Variants in ATG7 observed in about 807,000 individuals in gnomAD.
ATG7 encodes autophagy related 7.
In ATG7, 70 loss-of-function variants were observed where a neutral mutation model predicts 82.4. That is an observed-to-expected ratio of 0.85 (90% CI 0.70 to 1.04). The LOEUF is 1.04. Ranked by LOEUF, ATG7 falls within the 50% of genes least tolerant of loss-of-function variation. The pLI, the probability that ATG7 is intolerant of heterozygous loss-of-function variation, is 0.00. For synonymous variants in ATG7, 287 were observed against 313.0 expected (o/e 0.92, Z 0.88); for missense variants, 792 against 864.3 (o/e 0.92, Z 1.05).
chr3:11,490,579 C>A (rs201548214), intron 20 of ATG7, among the ~76,000 whole-genome samples: 866 of 141,750 alleles, frequency 6.1e-3, no homozygotes, highest in African/African-American at 0.019. Flanking sequence ...ATGGTCTTTA[C>A]AATTTGGCAT....
intron 20 of ATG7, among the ~76,000 whole-genome samples, chr3:11,521,795 G>A (rs1221553787): frequency 6.6e-6 from 1 of 151,792 alleles, no homozygotes; most frequent in East Asian, 1.9e-4. Context: ...CTTGTGATCC[G>A]CCTGCCTCAG....
Position 11,481,500 on chromosome 3 carries a change from G to A in ATG7, c.2079+54574G>A, listed in dbSNP as rs538725073. 2.6e-5 allele frequency among the ~76,000 whole-genome samples: 4 copies of A among 152,262 alleles called. No individual in the cohort carries two copies. The South Asian group carries it at 8.3e-4, about 32-fold the overall frequency. On this transcript the variant is annotated intron_variant, in intron 20 of 20. Coordinates refer to ENST00000693202, the MANE Select transcript of ATG7 (RefSeq NM_001349232.2). The stretch of plus-strand genomic sequence containing the variant: ...CATTTCTTATATTTTACGTGCAGGT[G>A]CTGAGGTCATTATTTCTCAGATTTG...
chr3:11,363,070 C>G, intron 17 of ATG7, 142 bp downstream of exon 17: 1 of 719,746 alleles, frequency 1.4e-6, no homozygotes, highest in Non-Finnish European at 2.3e-6. Flanking sequence ...CTAGAAAAAG[C>G]AGGTCTGGTT....
chr3:11,423,309 A>G (rs2082089818), intron 19 of ATG7, among the ~76,000 whole-genome samples: 1 of 152,186 alleles, frequency 6.6e-6, no homozygotes, highest in Non-Finnish European at 1.5e-5. Context: ...AGTAACATCA[A>G]AGACCACTGA....
intron 19 of ATG7, among the ~76,000 whole-genome samples, chr3:11,390,761 A>G (rs1340914080): frequency 7.2e-5 from 1 of 13,986 alleles, no homozygotes; most frequent in Non-Finnish European, 4.1e-4. Context: ...AAAAACTGCA[A>G]GTTAAAGTAC....
intron 20 of ATG7, among the ~76,000 whole-genome samples, chr3:11,488,938 C>T (rs2090058909): frequency 6.6e-6 from 1 of 152,078 alleles, no homozygotes; most frequent in Non-Finnish European, 1.5e-5. Context: ...AGGGAGGATT[C>T]CCTCTTTTTC....
chr3:11,474,701 G>GT (rs2153021480), intron 20 of ATG7, among the ~76,000 whole-genome samples: 1 of 152,342 alleles, frequency 6.6e-6, no homozygotes, highest in Non-Finnish European at 1.5e-5. Flanking sequence ...AAACTGGCAG[G>GT]TTGTCAGTAA....
In ATG7 at chr3:11,557,172, G is replaced by C. The variant is rs1415882419; in HGVS notation, c.*2329G>C. On this transcript the variant is annotated 3_prime_UTR_variant, in exon 21 of 21. Transcript: ENST00000693202. ...TCATTGACCAAAAAGGAGCAGCTGT[G>C]ACCTCCACAGCTGTGTCTGTCATGC... 1 of 152,744 alleles carries C rather than the reference G, an allele frequency of 6.5e-6. No individual in the cohort carries two copies. Among genetic ancestry groups the C allele is most frequent in the African/African-American group, 2.4e-5 (1 of 41,452 alleles). 9.5% of individuals were successfully genotyped at this position (152,744 alleles called of 1,614,324 possible). A position where few individuals can be genotyped will look rare whatever the true frequency, so the allele number is the denominator to read the frequency against.
intron 11 of ATG7, among the ~76,000 whole-genome samples, chr3:11,337,484 CTCTCTA>C (rs1284316018): frequency 2.2e-3 from 321 of 146,970 alleles, no homozygotes; most frequent in Non-Finnish European, 3.8e-3. Context: ...CTCTCTCTCT[CTCTCTA>C]TATATATATA....
At chr3:11,440,640 C>G (rs1276846143) in intron 20 of ATG7, among the ~76,000 whole-genome samples, 13 of 134,324 alleles carry the variant, frequency 9.7e-5, no homozygotes, top group Admixed American at 5.6e-4. Flanking sequence ...CTTAATTTCC[C>G]TTTACAATTT....
At chr3:11,361,316 G>T (rs939648002) in intron 16 of ATG7, among the ~76,000 whole-genome samples, 2 of 144,870 alleles carry the variant, frequency 1.4e-5, no homozygotes, top group African/African-American at 5.2e-5. Flanking sequence ...ACAGAGTTTC[G>T]CCCTGTCACC....
At chr3:11,436,137 T>C (rs1274551405) in intron 20 of ATG7, among the ~76,000 whole-genome samples, 10 of 152,110 alleles carry the variant, frequency 6.6e-5, no homozygotes, top group Admixed American at 2.6e-4. Context: ...GATACAGAAC[T>C]CAATTAAAAA....
chr3:11,276,818 G>A (rs1252314001), intron 1 of ATG7, among the ~76,000 whole-genome samples: 4 of 151,838 alleles, frequency 2.6e-5, no homozygotes, highest in Non-Finnish European at 2.9e-5. Flanking sequence ...CTTTTCAACC[G>A]CAGCTTCAAA....
intron 3 of ATG7, among the ~76,000 whole-genome samples, chr3:11,296,750 CTCT>C (rs889403012): frequency 1.3e-5 from 2 of 152,190 alleles, no homozygotes; most frequent in African/African-American, 4.8e-5. Context: ...TATTCCTCTG[CTCT>C]TCTTGTTCCT....
In ATG7 at chr3:11,357,123, G is replaced by A. The variant is rs187730089; in HGVS notation, c.1285-1295G>A. 3.6e-4 allele frequency among the ~76,000 whole-genome samples: 55 copies of A among 152,260 alleles called. 1 individual carries two copies. Among genetic ancestry groups the A allele is most frequent in the African/African-American group, 1.3e-3 (53 of 41,538 alleles). ...TGAGCTATTTTTCCAGTAGGTGAGG[G>A]GTTTTGGCAAATGAGTGAAAAAGCT... On this transcript the variant is annotated intron_variant, in intron 14 of 20. Coordinates refer to ENST00000693202, the MANE Select transcript of ATG7 (RefSeq NM_001349232.2).
At chr3:11,460,064 A>T (rs950990480) in intron 20 of ATG7, among the ~76,000 whole-genome samples, 8 of 152,204 alleles carry the variant, frequency 5.3e-5, no homozygotes, top group Non-Finnish European at 8.8e-5. Context: ...ATCTCAGGAA[A>T]GAACATCTCA....
chr3:11,449,544 C>T lies in ATG7; in HGVS notation c.2079+22618C>T, dbSNP rs568809120. Among the ~76,000 whole-genome samples the T allele has an allele frequency of 5.9e-5, 9 of 152,282 alleles. No homozygotes were observed. The South Asian group carries it at 1.9e-3, about 32-fold the overall frequency. Reference sequence around the variant, plus strand: ...TTAGTTAGTATACAAAGAAGCTTCTCATGTTCCATACAATGGAGTGATTCT... The same window carrying T: ...TTAGTTAGTATACAAAGAAGCTTCTTATGTTCCATACAATGGAGTGATTCT... On this transcript the variant is annotated intron_variant, in intron 20 of 20. Transcript: ENST00000693202.
chr3:11,298,605 A>T, intron 3 of ATG7, 81 bp from the exon 4 acceptor site: 1 of 1,388,244 alleles, frequency 7.2e-7, no homozygotes, highest in Non-Finnish European at 9.9e-7. Context: ...TGTTTGAATT[A>T]AACTTTATTA....
At chr3:11,279,155 G>A (rs1053955976) in intron 1 of ATG7, among the ~76,000 whole-genome samples, 8 of 152,174 alleles carry the variant, frequency 5.3e-5, no homozygotes, top group African/African-American at 1.9e-4. Context: ...TCAACCATCA[G>A]GGGTGGGTTT....
Sources: allele counts gnomAD v4.1 joint callset (sites outside exome capture counted in the v4.1 genomes callset), GRCh38; gene constraint gnomAD v4.1.1; transcripts MANE v1.5; gene names NCBI Gene and HGNC (gene_info 2026-07-23, HGNC 2026-07-21).